Variants in FABP7 observed in about 807,000 individuals in gnomAD.
The protein encoded by FABP7 is fatty acid binding protein 7.
Under a neutral mutation model 14.2 loss-of-function variants are expected in FABP7, and 13 were observed. That is an observed-to-expected ratio of 0.91 (90% CI 0.59 to 1.45). The LOEUF is 1.45. Among genes scored for constraint, FABP7 ranks in the 40% most tolerant of loss-of-function variants. The pLI is 0.00. For missense variants in FABP7, 149 were observed against 157.6 expected, an observed-to-expected ratio of 0.95 and a Z score of 0.29; for synonymous variants, 49 against 51.4, an observed-to-expected ratio of 0.95 and a Z score of 0.20.
At chr6:122,762,663 T>A in the FABP7 span, among the ~76,000 whole-genome samples, 98 of 152,346 alleles carry the variant, frequency 6.4e-4, no homozygotes, top group African/African-American at 2.3e-3. Flanking sequence ...GCCCAAAATC[T>A]CCTTAAGCTG....
upstream of FABP7, among the ~76,000 whole-genome samples, chr6:122,777,282 T>C (rs532135839): frequency 6.6e-6 from 1 of 152,310 alleles, no homozygotes; most frequent in East Asian, 1.9e-4. Context: ...GAACATTTAC[T>C]AGAGAAATAG....
Position 122,783,430 on chromosome 6 carries a change from T to C in FABP7, c.349-287T>C, listed in dbSNP as rs536811119. 3.0e-6 allele frequency: 3 copies of C among 985,396 alleles called. No individual in the cohort carries two copies. The African/African-American group carries it at 5.2e-5, about 17-fold the overall frequency. The allele number at this position is 985,396 out of a possible 1,614,324, so 61.0% of individuals were successfully genotyped here. A position where few individuals can be genotyped will look rare whatever the true frequency, so the allele number is the denominator to read the frequency against. ...TGAGAAAACAACGTAGACACTCCAT[T>C]TCTCACACCTGATCTGCTCAATTAC... On this transcript the variant is annotated intron_variant, in intron 3 of 3. Transcript: ENST00000368444.
intron 2 of FABP7, 99 bp downstream of exon 2, chr6:122,780,562 AT>A: frequency 7.9e-7 from 1 of 1,273,500 alleles, no homozygotes; most frequent in Non-Finnish European, 1.1e-6. Context: ...AAAGTGTAGA[AT>A]ATTTTCAGTA....
upstream of FABP7, among the ~76,000 whole-genome samples, chr6:122,779,209 C>T (rs1013715631): frequency 6.6e-6 from 1 of 152,336 alleles, no homozygotes; most frequent in East Asian, 1.9e-4. Flanking sequence ...ATTTCGCTCT[C>T]CCTGTAACTA....
At chr6:122,770,761 C>T in the FABP7 span, among the ~76,000 whole-genome samples, 3 of 152,090 alleles carry the variant, frequency 2.0e-5, no homozygotes, top group Non-Finnish European at 2.9e-5. Context: ...TATTTTCAGA[C>T]CTATACGATC....
chr6:122,777,396 C>T (rs1007784610), upstream of FABP7, among the ~76,000 whole-genome samples: 10 of 151,898 alleles, frequency 6.6e-5, no homozygotes, highest in Admixed American at 1.3e-4. Context: ...AAGGGATGCC[C>T]GCCTCAAAAA....
At chr6:122,757,102 C>T in the FABP7 span, among the ~76,000 whole-genome samples, 6 of 152,154 alleles carry the variant, frequency 3.9e-5, no homozygotes, top group African/African-American at 1.4e-4. Flanking sequence ...AAGTGTATAT[C>T]TTAACCATAA....
chr6:122,762,674 A>T, the FABP7 span, among the ~76,000 whole-genome samples: 1 of 152,246 alleles, frequency 6.6e-6, no homozygotes. Context: ...CCTTAAGCTG[A>T]TAAGCAACTT....
chr6:122,776,209 G>C (rs1780670552), upstream of FABP7, among the ~76,000 whole-genome samples: 2 of 152,098 alleles, frequency 1.3e-5, no homozygotes, highest in Non-Finnish European at 2.9e-5. Flanking sequence ...GTATATCAAA[G>C]AGTTATCTGT....
At chr6:122,781,911 T>G (rs1780799065) in intron 3 of FABP7, 1 of 433,506 alleles carries the variant, frequency 2.3e-6, no homozygotes, top group East Asian at 1.6e-4. Flanking sequence ...CCGGGCTAAT[T>G]TTTTTGTATT....
upstream of FABP7, among the ~76,000 whole-genome samples, chr6:122,778,520 A>G (rs967846300): frequency 6.6e-6 from 1 of 152,056 alleles, no homozygotes; most frequent in Admixed American, 6.6e-5. Flanking sequence ...GAGGGGAGAG[A>G]GAAGGGCAGG....
intron 3 of FABP7, chr6:122,783,368 C>G: frequency 1.0e-6 from 1 of 984,646 alleles, no homozygotes; most frequent in Non-Finnish European, 1.2e-6. Flanking sequence ...GTTATGTAAA[C>G]CTATTATAAA....
chr6:122,780,307 T>G lies in FABP7; in HGVS notation c.90T>G (p.Thr30=). Residue 30 remains threonine (T), a synonymous_variant, in exon 2 of 4, where the codon ACT becomes ACG. Coordinates refer to ENST00000368444, the MANE Select transcript of FABP7 (RefSeq NM_001446.5). ...YMKALGVGFA[T]RQVGNVTKPT... ...CTATTTTAGGCGTGGGCTTTGCCAC[T>G]AGGCAGGTGGGAAATGTGACCAAAC... 2 of 1,614,106 alleles carry G rather than the reference T, an allele frequency of 1.2e-6. No homozygotes were observed. Among genetic ancestry groups the G allele is most frequent in the Non-Finnish European group, 1.7e-6 (2 of 1,180,024 alleles).
the FABP7 span, among the ~76,000 whole-genome samples, chr6:122,755,903 T>G: frequency 6.6e-6 from 1 of 152,150 alleles, no homozygotes; most frequent in Non-Finnish European, 1.5e-5. Context: ...ACCAGGCCAC[T>G]TAAAGACATC....
At chr6:122,766,455 T>C in the FABP7 span, among the ~76,000 whole-genome samples, 1 of 152,114 alleles carries the variant, frequency 6.6e-6, no homozygotes. Context: ...ATTGCCAGAT[T>C]TCTGGTTGGC....
At chr6:122,753,836 T>C in the FABP7 span, among the ~76,000 whole-genome samples, 13 of 113,048 alleles carry the variant, frequency 1.1e-4, no homozygotes, top group African/African-American at 4.2e-4. Context: ...GCTCACCTCA[T>C]GTAACTGAAG....
At chr6:122,762,806 A>G in the FABP7 span, among the ~76,000 whole-genome samples, 1 of 152,244 alleles carries the variant, frequency 6.6e-6, no homozygotes. Context: ...TTCAAAGAGA[A>G]TAAAATACCT....
At chr6:122,764,792 G>C in the FABP7 span, among the ~76,000 whole-genome samples, 1 of 152,138 alleles carries the variant, frequency 6.6e-6, no homozygotes, top group Non-Finnish European at 1.5e-5. Flanking sequence ...TTGCCTTAAA[G>C]TGTTTGCCAT....
chr6:122,771,591 A>G, the FABP7 span, among the ~76,000 whole-genome samples: 1 of 152,238 alleles, frequency 6.6e-6, no homozygotes, highest in South Asian at 2.1e-4. Flanking sequence ...CACATATGGC[A>G]TGGCACAAAA....
Sources: gnomAD v4.1 joint callset for allele counts (sites outside exome capture counted in the v4.1 genomes callset) on GRCh38, gnomAD v4.1.1 for gene constraint, MANE v1.5 for transcripts, NCBI Gene and HGNC (gene_info 2026-07-23, HGNC 2026-07-21) for gene names.